The following HECW1 variants were observed in gnomAD, a reference collection of about 807,000 sequenced individuals.
HECW1 encodes HECT, C2 and WW domain containing E3 ubiquitin protein ligase 1.
A neutral mutation model predicts 182.3 loss-of-function variants in HECW1; 61 were observed. The observed-to-expected ratio is 0.33, with a 90% confidence interval of 0.27 to 0.41. HECW1 has a LOEUF of 0.41. Among genes scored for constraint, HECW1 ranks in the 10% least tolerant of loss-of-function variants. The probability of loss-of-function intolerance (pLI) is 1.00; values close to 1 mark genes in which losing one functional copy is unlikely to be tolerated. For missense variants in HECW1, 1,739 were observed against 2,108.9 expected, an observed-to-expected ratio of 0.82 and a Z score of 3.44; for synonymous variants, 859 against 832.6, an observed-to-expected ratio of 1.03 and a Z score of -0.55.
intron 2 of HECW1, among the ~76,000 whole-genome samples, chr7:43,215,508 C>T (rs1052174691): frequency 6.6e-6 from 1 of 152,206 alleles, no homozygotes; most frequent in African/African-American, 2.4e-5. Context: ...TTTAAAATTC[C>T]TTTTTAACCA....
intron 2 of HECW1, among the ~76,000 whole-genome samples, chr7:43,177,908 AAC>A (rs1436621440): frequency 6.6e-6 from 1 of 152,140 alleles, no homozygotes; most frequent in Non-Finnish European, 1.5e-5. Context: ...GAATACTGGT[AAC>A]ACATTATTTT....
chr7:43,418,616 A>G (rs1172129831), intron 8 of HECW1, among the ~76,000 whole-genome samples: 3 of 151,954 alleles, frequency 2.0e-5, no homozygotes, highest in African/African-American at 7.3e-5. Flanking sequence ...TATGCAATGA[A>G]TATTTTCAGA....
At chr7:43,298,626 A>G (rs1806334434) in intron 3 of HECW1, among the ~76,000 whole-genome samples, 1 of 152,248 alleles carries the variant, frequency 6.6e-6, no homozygotes. Context: ...AGTAGCATGT[A>G]CCTGTGGCTC....
At chr7:43,445,950 C>T (rs922599803) in intron 11 of HECW1, among the ~76,000 whole-genome samples, 1 of 152,192 alleles carries the variant, frequency 6.6e-6, no homozygotes, top group East Asian at 1.9e-4. Context: ...AATCTATCTA[C>T]ATTAAATGGA....
At chr7:43,417,281 C>G (rs1300966142) in intron 8 of HECW1, among the ~76,000 whole-genome samples, 1 of 152,104 alleles carries the variant, frequency 6.6e-6, no homozygotes, top group East Asian at 1.9e-4. Flanking sequence ...AACTCCTGAC[C>G]TCAGGTGATC....
chr7:43,446,088 G>T (rs2077045652), intron 11 of HECW1, among the ~76,000 whole-genome samples: 1 of 152,140 alleles, frequency 6.6e-6, no homozygotes, highest in Non-Finnish European at 1.5e-5. Flanking sequence ...ATATAGATAT[G>T]TCTAGCCTAC....
chr7:43,207,235 C>T (rs541093685), intron 2 of HECW1, among the ~76,000 whole-genome samples: 2 of 152,046 alleles, frequency 1.3e-5, no homozygotes, highest in South Asian at 2.1e-4. Context: ...TTAGTAAAGA[C>T]GGGGTTTCAC....
chr7:43,237,792 G>A (rs182066636), intron 2 of HECW1, among the ~76,000 whole-genome samples: 139 of 151,968 alleles, frequency 9.1e-4, no homozygotes, highest in Non-Finnish European at 7.4e-5. Context: ...ACTGGTGACA[G>A]ATTTTGAAAA....
At chr7:43,443,067 A>G (rs1437156642) in intron 10 of HECW1, among the ~76,000 whole-genome samples, 1 of 152,254 alleles carries the variant, frequency 6.6e-6, no homozygotes, top group Non-Finnish European at 1.5e-5. Context: ...ATGAATTTTT[A>G]TAATATCACA....
At chr7:43,279,264 AC>A (rs1803580959) in intron 3 of HECW1, among the ~76,000 whole-genome samples, 1 of 152,252 alleles carries the variant, frequency 6.6e-6, no homozygotes, top group African/African-American at 2.4e-5. Context: ...CAAGTAGCAG[AC>A]AAAGCAAAAT....
intron 24 of HECW1, among the ~76,000 whole-genome samples, chr7:43,540,248 G>A (rs554371143): frequency 1.3e-5 from 2 of 152,278 alleles, no homozygotes; most frequent in South Asian, 4.1e-4. Flanking sequence ...TTCCACCAGG[G>A]AGGATCTGAG....
chr7:43,131,725 C>A (rs1033027762), intron 2 of HECW1, among the ~76,000 whole-genome samples: 1 of 152,146 alleles, frequency 6.6e-6, no homozygotes, highest in African/African-American at 2.4e-5. Flanking sequence ...TGATTTAAAC[C>A]CTTTTAGTTT....
rs548795321 is a variant in HECW1 at position 43,358,673 on chromosome 7, C to A, written c.461-2213C>A. On this transcript the variant is annotated intron_variant, in intron 5 of 29. Transcript: ENST00000395891. ...ATGAAACAAAAATAATAATCGGATTCTATTTTAAGCCTATTTTTAAGTGAT... is the reference window on the plus strand; with the variant it reads ...ATGAAACAAAAATAATAATCGGATTATATTTTAAGCCTATTTTTAAGTGAT... 1.1e-3 allele frequency among the ~76,000 whole-genome samples: 163 copies of A among 152,158 alleles called. 1 individual carries two copies. The highest frequency in any genetic ancestry group is 7.4e-5 in the Non-Finnish European group (5 of 67,980).
chr7:43,270,332 C>T (rs1802259722), intron 3 of HECW1, among the ~76,000 whole-genome samples: 1 of 152,208 alleles, frequency 6.6e-6, no homozygotes, highest in African/African-American at 2.4e-5. Flanking sequence ...GGAGGACCCA[C>T]TTCCAATGTG....
chr7:43,513,656 G>GA (rs58684658), intron 24 of HECW1, among the ~76,000 whole-genome samples: 61,117 of 150,130 alleles, frequency 0.41, 12,719 homozygotes, highest in South Asian at 0.55. Context: ...AAGTAAGCTG[G>GA]AAAAAAAAAC....
intron 8 of HECW1, among the ~76,000 whole-genome samples, chr7:43,411,100 C>T (rs67747013): frequency 0.27 from 40,392 of 149,498 alleles, 6,196 homozygotes; most frequent in East Asian, 0.7. Context: ...TTTAGACTTA[C>T]ATTTATTCTC....
At chr7:43,158,179 C>A (rs1790100765) in intron 2 of HECW1, among the ~76,000 whole-genome samples, 1 of 152,184 alleles carries the variant, frequency 6.6e-6, no homozygotes, top group Non-Finnish European at 1.5e-5. Context: ...CTTCTTACAA[C>A]CACATTGCTT....
At chr7:43,272,347 T>C (rs1295822807) in intron 3 of HECW1, among the ~76,000 whole-genome samples, 1 of 152,058 alleles carries the variant, frequency 6.6e-6, no homozygotes, top group Non-Finnish European at 1.5e-5. Flanking sequence ...CCTATTAAAC[T>C]AAAGAGCTTC....
rs75662532 is a variant in HECW1 at position 43,359,805 on chromosome 7, T to C, written c.461-1081T>C. On this transcript the variant is annotated intron_variant, in intron 5 of 29. Coordinates refer to ENST00000395891, the MANE Select transcript of HECW1 (RefSeq NM_015052.5). ...AAAAATATCTCAAATTGGAGATTTC[T>C]CATATTGTTTCAAACAAAATATAAG... Among the ~76,000 whole-genome samples, 643 of 152,362 alleles carry C rather than the reference T, an allele frequency of 4.2e-3. 8 individuals are homozygous for C. The highest frequency in any genetic ancestry group is 0.015 in the African/African-American group (610 of 41,588).
Sources: allele counts gnomAD v4.1 joint callset (sites outside exome capture counted in the v4.1 genomes callset), GRCh38; gene constraint gnomAD v4.1.1; transcripts MANE v1.5; gene names NCBI Gene and HGNC (gene_info 2026-07-23, HGNC 2026-07-21).